CDH19: variants seen among roughly 807,000 people sequenced by gnomAD.
The protein encoded by CDH19 is cadherin 19.
In CDH19, 67 loss-of-function variants were observed where a neutral mutation model predicts 64.2. That is an observed-to-expected ratio of 1.04 (90% CI 0.86 to 1.28). The LOEUF (loss-of-function observed/expected upper bound fraction) is 1.28. Ranked by LOEUF, CDH19 falls within the 50% of genes most tolerant of loss-of-function variation. The probability of loss-of-function intolerance (pLI) is 0.00; values close to 1 mark genes in which losing one functional copy is unlikely to be tolerated. For synonymous variants in CDH19, 346 were observed against 319.3 expected, an observed-to-expected ratio of 1.08 and a Z score of -0.89; for missense variants, 1,030 against 929.0, an observed-to-expected ratio of 1.11 and a Z score of -1.41.
intron 1 of CDH19, among the ~76,000 whole-genome samples, chr18:66,594,078 A>C (rs1271760759): frequency 6.6e-6 from 1 of 152,202 alleles, no homozygotes; most frequent in Non-Finnish European, 1.5e-5. Flanking sequence ...GAATGGAGAA[A>C]GATCTATGAA....
intron 1 of CDH19, among the ~76,000 whole-genome samples, chr18:66,579,722 T>C (rs1169477382): frequency 6.6e-6 from 1 of 152,068 alleles, no homozygotes. Context: ...AAACTGTTTT[T>C]ATATTTGCAT....
chr18:66,564,667 T>C (rs1384154708), intron 3 of CDH19, among the ~76,000 whole-genome samples: 1 of 151,920 alleles, frequency 6.6e-6, no homozygotes, highest in Non-Finnish European at 1.5e-5. Context: ...ACAAAGTCTA[T>C]TAACACTAAT....
At chr18:66,569,442 C>T (rs770641888) in intron 2 of CDH19, among the ~76,000 whole-genome samples, 4 of 151,576 alleles carry the variant, frequency 2.6e-5, no homozygotes, top group Non-Finnish European at 4.4e-5. Context: ...AAATTTCAGA[C>T]TGTCCACTGA....
At chr18:66,572,705 G>A (rs1335975674) in intron 1 of CDH19, among the ~76,000 whole-genome samples, 1 of 151,562 alleles carries the variant, frequency 6.6e-6, no homozygotes, top group African/African-American at 2.4e-5. Context: ...GAGGAAAAAA[G>A]TCTTATTTTT....
chr18:66,547,130 C>G (rs1987145704), intron 5 of CDH19, among the ~76,000 whole-genome samples: 1 of 151,982 alleles, frequency 6.6e-6, no homozygotes, highest in South Asian at 2.1e-4. Context: ...GCCTATTGCA[C>G]TAATAGAGAC....
chr18:66,527,047 A>ATGTGTG (rs71169151), intron 9 of CDH19, among the ~76,000 whole-genome samples: 10 of 144,932 alleles, frequency 6.9e-5, no homozygotes, highest in Non-Finnish European at 1.3e-4. Flanking sequence ...ATATATATAT[A>ATGTGTG]TGTGTGTGTG....
In CDH19 at chr18:66,509,072, T is replaced by A; in HGVS notation, c.1751A>T (p.Tyr584Phe). The change falls in exon 11 of 12, where the codon TAC becomes TTC. Residue 584 changes from tyrosine (Y) to phenylalanine (F), a missense_variant. Physicochemically the swap from Tyr to Phe is conservative, Grantham distance 22 (BLOSUM62 3). Coordinates refer to ENST00000262150, the MANE Select transcript of CDH19 (RefSeq NM_021153.4). ...TCCCATGGAAAGCACAAGCTCCTGG[T>A]ACTGGCAGGTCTGTGTGCTCCCACT... ...GDSGSTQTCQ[Y>F]QELVLSMGFK... 6.2e-7 allele frequency: 1 copy of A among 1,612,730 alleles called. No homozygotes were observed.
intron 1 of CDH19, among the ~76,000 whole-genome samples, chr18:66,599,602 C>G (rs1281071513): frequency 1.3e-5 from 2 of 152,012 alleles, no homozygotes; most frequent in Non-Finnish European, 2.9e-5. Context: ...GATATATTAA[C>G]TAGCCTGATT....
At chr18:66,542,729 G>T (rs1986938373) in intron 7 of CDH19, among the ~76,000 whole-genome samples, 2 of 152,122 alleles carry the variant, frequency 1.3e-5, no homozygotes, top group African/African-American at 2.4e-5. Flanking sequence ...CAGCCTTACT[G>T]TCTGAGCTCC....
At chr18:66,586,288 G>GAAA (rs1988575961) in intron 1 of CDH19, among the ~76,000 whole-genome samples, 1 of 151,892 alleles carries the variant, frequency 6.6e-6, no homozygotes, top group South Asian at 2.1e-4. Flanking sequence ...CCAAAACAAA[G>GAAA]AAAAACAGAA....
intron 9 of CDH19, among the ~76,000 whole-genome samples, chr18:66,526,075 T>G (rs1250085270): frequency 6.6e-6 from 1 of 152,120 alleles, no homozygotes; most frequent in East Asian, 1.9e-4. Flanking sequence ...AAACTTGTTT[T>G]TCATATTTTT....
At chr18:66,592,900 C>G (rs1988783858) in intron 1 of CDH19, among the ~76,000 whole-genome samples, 3 of 151,770 alleles carry the variant, frequency 2.0e-5, no homozygotes, top group Admixed American at 6.6e-5. Flanking sequence ...TCTTTCATTT[C>G]AATAAATACC....
At chr18:66,542,028 A>G (rs1330113478) in intron 7 of CDH19, among the ~76,000 whole-genome samples, 1 of 152,136 alleles carries the variant, frequency 6.6e-6, no homozygotes, top group Non-Finnish European at 1.5e-5. Flanking sequence ...TTGTACTCCT[A>G]AAATTAACAG....
chr18:66,559,406 A>C (rs1213980907), intron 3 of CDH19, among the ~76,000 whole-genome samples: 3 of 151,906 alleles, frequency 2.0e-5, no homozygotes, highest in Non-Finnish European at 4.4e-5. Flanking sequence ...AAAAGAAAAA[A>C]ATGTTTTTCT....
At chr18:66,599,842 T>C (rs915882201) in intron 1 of CDH19, among the ~76,000 whole-genome samples, 1 of 151,884 alleles carries the variant, frequency 6.6e-6, no homozygotes, top group Non-Finnish European at 1.5e-5. Context: ...AACAAAAATG[T>C]GTATGGTATA....
intron 9 of CDH19, among the ~76,000 whole-genome samples, chr18:66,512,899 G>A (rs1455879912): frequency 1.3e-5 from 2 of 151,090 alleles, no homozygotes; most frequent in South Asian, 4.2e-4. Context: ...TAACCTTCAG[G>A]GTTCATTTTC....
At chr18:66,532,279 A>T (rs1013669397) in intron 8 of CDH19, 2 of 87,942 alleles carry the variant, frequency 2.3e-5, no homozygotes, top group Admixed American at 1.1e-4. Context: ...TCTTTTTCAT[A>T]AAAAAAAAAG....
chr18:66,532,293 G>A (rs1465670539), intron 8 of CDH19: 1 of 151,600 alleles, frequency 6.6e-6, no homozygotes, highest in Non-Finnish European at 1.5e-5. Flanking sequence ...AAAAAAGAAA[G>A]CTATAGGAAA....
At chr18:66,586,393 T>G (rs1210107290) in intron 1 of CDH19, among the ~76,000 whole-genome samples, 1 of 151,978 alleles carries the variant, frequency 6.6e-6, no homozygotes, top group Non-Finnish European at 1.5e-5. Context: ...TCTTGGGAAG[T>G]GAACACATGA....
Sources: allele counts gnomAD v4.1 joint callset (sites outside exome capture counted in the v4.1 genomes callset), GRCh38; gene constraint gnomAD v4.1.1; transcripts MANE v1.5; gene names NCBI Gene and HGNC (gene_info 2026-07-23, HGNC 2026-07-21).